Variants in ARHGAP36 observed in about 807,000 individuals in gnomAD.
The protein encoded by ARHGAP36 is rho GTPase-activating protein 36.
Under a neutral mutation model 32.9 loss-of-function variants are expected in ARHGAP36, and 7 were observed. That is an observed-to-expected ratio of 0.21 (90% CI 0.12 to 0.40). The LOEUF is 0.40. ARHGAP36 is among the 10% of genes least tolerant of loss of function. The probability of loss-of-function intolerance (pLI) is 1.00; values close to 1 mark genes in which losing one functional copy is unlikely to be tolerated. For synonymous variants in ARHGAP36, 165 were observed against 168.3 expected (o/e 0.98, Z 0.15); for missense variants, 383 against 442.2 (o/e 0.87, Z 1.20).
Position 131,089,571 on chromosome X carries a change from T to C in ARHGAP36, c.*786T>C, listed in dbSNP as rs1030033513. On this transcript the variant is annotated 3_prime_UTR_variant, in exon 12 of 12. Coordinates refer to ENST00000276211, the MANE Select transcript of ARHGAP36 (RefSeq NM_144967.4). Reference sequence around the variant, plus strand: ...CAAAACAGCTAGTTAGGTAAGGACATATAGTTCCAAGTAGGTAAAGTCACT... The same window carrying C: ...CAAAACAGCTAGTTAGGTAAGGACACATAGTTCCAAGTAGGTAAAGTCACT... The C allele has an allele frequency of 6.2e-5, 7 of 113,327 alleles. No homozygotes were observed. The highest frequency in any genetic ancestry group is 1.9e-4 in the Admixed American group (2 of 10,810). The allele number at this position is 113,327 out of a possible 1,213,427, so 9.3% of individuals were successfully genotyped here. A position where few individuals can be genotyped will look rare whatever the true frequency, so the allele number is the denominator to read the frequency against.
chrX:131,086,393 A>G lies in ARHGAP36; in HGVS notation c.1346A>G (p.Asp449Gly). 8.3e-7 allele frequency: 1 copy of G among 1,211,900 alleles called. No individual in the cohort carries two copies. The change falls in exon 10 of 12, where the codon GAT (aspartate) becomes GGT (glycine). Residue 449 changes from aspartate to glycine, a missense_variant. Transcript: ENST00000276211. ...RVWKSSPEALDFIRRRNLRKI... is the reference protein window; with the variant it reads ...RVWKSSPEALGFIRRRNLRKI... ...TGGAAGTCCAGCCCGGAAGCACTTG[A>G]TTTTATCAGACGCAGGAACTTGAGG...
At chrX:131,084,102 G>T in intron 4 of ARHGAP36, 113 bp from the exon 5 acceptor site, 1 of 1,043,596 alleles carries the variant, frequency 9.6e-7, no homozygotes, top group Non-Finnish European at 1.3e-6. Flanking sequence ...GGTGTCCTTG[G>T]CTTGCCACAA....
chrX:131,079,650 T>C (rs2079785006), intron 1 of ARHGAP36, among the ~76,000 whole-genome samples: 1 of 107,782 alleles, frequency 9.3e-6, no homozygotes. Context: ...CAAAGCTGCA[T>C]TGCCTGATCT....
chrX:131,073,461 G>T (rs1298286492), intron 1 of ARHGAP36, among the ~76,000 whole-genome samples: 1 of 112,219 alleles, frequency 8.9e-6, no homozygotes, highest in African/African-American at 3.2e-5. Flanking sequence ...GCAGCGGGAC[G>T]GGTGCTCGGG....
intron 2 of ARHGAP36, 144 bp downstream of exon 2, chrX:131,082,062 C>T: frequency 1.3e-6 from 1 of 770,002 alleles, no homozygotes; most frequent in Non-Finnish European, 1.8e-6. Context: ...GTCTGGGGAA[C>T]TGAAGAAGCC....
chrX:131,083,364 G>C (rs956407009), intron 3 of ARHGAP36, 134 bp downstream of exon 3: 3 of 652,447 alleles, frequency 4.6e-6, no homozygotes, highest in Non-Finnish European at 7.0e-6. Flanking sequence ...AAACCCCACA[G>C]TGGGTGATAT....
At position 131,077,764 on chromosome X, in the gene ARHGAP36, C is replaced by CAT. The variant is rs72142237; in HGVS notation, c.-142-3719_-142-3718dup. Among the ~76,000 whole-genome samples, 552 of 86,787 alleles carry CAT rather than the reference C, an allele frequency of 6.4e-3. 1 individual carries two copies. The highest frequency in any genetic ancestry group is 0.014 in the East Asian group (35 of 2,500). 75.4% of individuals were successfully genotyped at this position (86,787 alleles called of 115,157 possible). A position where few individuals can be genotyped will look rare whatever the true frequency, so the allele number is the denominator to read the frequency against. On this transcript the variant is annotated intron_variant, in intron 1 of 11. Coordinates refer to ENST00000276211, the MANE Select transcript of ARHGAP36 (RefSeq NM_144967.4). Reference sequence around the variant, plus strand: ...GCCCCTTTACTTATCCAAATAAAATCATATATATATATATATATATATATA... The same window carrying CAT: ...GCCCCTTTACTTATCCAAATAAAATCATATATATATATATATATATATATATA...
intron 1 of ARHGAP36, among the ~76,000 whole-genome samples, chrX:131,072,505 T>C (rs923770240): frequency 1.8e-5 from 2 of 112,232 alleles, no homozygotes; most frequent in African/African-American, 6.5e-5. Context: ...TGTGGCAAAT[T>C]GTGTGCTGAG....
At chrX:131,075,549 C>A (rs1465984557) in intron 1 of ARHGAP36, among the ~76,000 whole-genome samples, 4 of 108,635 alleles carry the variant, frequency 3.7e-5, no homozygotes, top group African/African-American at 1.3e-4. Flanking sequence ...CATATATATA[C>A]TCTTCCTGTA....
At chrX:131,077,393 G>A (rs774010905) in intron 1 of ARHGAP36, among the ~76,000 whole-genome samples, 59 of 111,378 alleles carry the variant, frequency 5.3e-4, no homozygotes, top group African/African-American at 1.8e-3. Flanking sequence ...TTTAAACCAT[G>A]GCATCAGTGC....
At chrX:131,061,146 C>A (rs1433988409) in intron 1 of ARHGAP36, among the ~76,000 whole-genome samples, 1 of 110,160 alleles carries the variant, frequency 9.1e-6, no homozygotes, top group Non-Finnish European at 1.9e-5. Context: ...TTTTGAGGGG[C>A]AGGTTTATTT....
chrX:131,060,561 G>A lies in ARHGAP36; in HGVS notation c.-143+2117G>A, dbSNP rs369236979. 8.9e-5 allele frequency among the ~76,000 whole-genome samples: 10 copies of A among 112,463 alleles called. No homozygotes were observed. The East Asian group carries it at 2.5e-3, about 28-fold the overall frequency. Reference sequence around the variant, plus strand: ...TTATTCACATTGAATTACTTTCAACGAAAGCTACTCTTTTTCCTTAAGTAA... The same window carrying A: ...TTATTCACATTGAATTACTTTCAACAAAAGCTACTCTTTTTCCTTAAGTAA... On this transcript the variant is annotated intron_variant, in intron 1 of 11. Transcript: ENST00000276211.
At chrX:131,079,562 G>GTTTTTTTTT (rs11417328) in intron 1 of ARHGAP36, among the ~76,000 whole-genome samples, 1 of 93,133 alleles carries the variant, frequency 1.1e-5, no homozygotes. Context: ...TTTGTTTTTT[G>GTTTTTTTTT]TTTTTTTTTT....
chrX:131,074,435 G>A (rs1351432207), intron 1 of ARHGAP36, among the ~76,000 whole-genome samples: 1 of 108,769 alleles, frequency 9.2e-6, no homozygotes, highest in Non-Finnish European at 1.9e-5. Flanking sequence ...CTGTGAGTGG[G>A]AATATGTGTG....
At chrX:131,079,870 C>A (rs1308293424) in intron 1 of ARHGAP36, among the ~76,000 whole-genome samples, 2 of 111,681 alleles carry the variant, frequency 1.8e-5, no homozygotes, top group African/African-American at 6.5e-5. Context: ...GTTTTCTTTC[C>A]ATTGCAATTA....
intron 1 of ARHGAP36, chrX:131,078,662 C>A: frequency 6.5e-6 from 5 of 767,477 alleles, no homozygotes; most frequent in Non-Finnish European, 7.0e-6. Flanking sequence ...CCCCTCCCCA[C>A]CCCACCCATC....
chrX:131,060,882 C>T (rs984747692), intron 1 of ARHGAP36, among the ~76,000 whole-genome samples: 1 of 112,505 alleles, frequency 8.9e-6, no homozygotes, highest in Non-Finnish European at 1.9e-5. Flanking sequence ...GGCAACAGCT[C>T]ATTTCATTGC....
chrX:131,084,504 C>G, intron 5 of ARHGAP36, 97 bp downstream of exon 5: 1 of 1,134,066 alleles, frequency 8.8e-7, no homozygotes, highest in South Asian at 2.0e-5. Context: ...GGATGAAGGG[C>G]TTGGATAACA....
chrX:131,079,022 T>C lies in ARHGAP36; in HGVS notation c.-142-2502T>C, dbSNP rs540685807. On this transcript the variant is annotated intron_variant, in intron 1 of 11. Transcript: ENST00000276211. ...GACTGATTTTCATCTTATTTTTGGG[T>C]GAAAAAACCAGCTCTGCTCTTTGGA... Among the ~76,000 whole-genome samples the C allele has an allele frequency of 1.3e-4, 14 of 111,822 alleles. No individual in the cohort carries two copies. In the South Asian group the frequency reaches 5.2e-3, roughly 42 times the overall value.
Sources: allele counts gnomAD v4.1 joint callset (sites outside exome capture counted in the v4.1 genomes callset), GRCh38; gene constraint gnomAD v4.1.1; transcripts MANE v1.5; gene names NCBI Gene and HGNC (gene_info 2026-07-23, HGNC 2026-07-21).